Variants in PARVB observed in about 807,000 individuals in gnomAD.
The protein encoded by PARVB is beta-parvin.
In PARVB, 46 loss-of-function variants were observed where a neutral mutation model predicts 47.0. That is an observed-to-expected ratio of 0.98 (90% CI 0.77 to 1.25). The LOEUF (loss-of-function observed/expected upper bound fraction) is 1.25. Ranked by LOEUF, PARVB falls within the 50% of genes most tolerant of loss-of-function variation. The probability of loss-of-function intolerance (pLI) is 0.00; values close to 1 mark genes in which losing one functional copy is unlikely to be tolerated. For synonymous variants in PARVB, 196 were observed against 196.3 expected, an observed-to-expected ratio of 1.00 and a Z score of 0.01; for missense variants, 473 against 471.6, an observed-to-expected ratio of 1.00 and a Z score of -0.03.
At position 44,125,853 on chromosome 22, in the gene PARVB, A is replaced by T. The variant is rs2053174215; in HGVS notation, c.377-5634A>T. Among the ~76,000 whole-genome samples, 1 of 152,200 alleles carries T rather than the reference A, an allele frequency of 6.6e-6. No individual in the cohort carries two copies. The highest frequency in any genetic ancestry group is 2.4e-5 in the African/African-American group (1 of 41,440). On this transcript the variant is annotated intron_variant, in intron 4 of 12. Transcript: ENST00000338758. The surrounding 1 kb of genome is among the most constrained non-coding windows in gnomAD (Gnocchi z 4.1). ...AGGAGTTGGAACTGAGAGATCAGTC[A>T]GGACACCATTGCCATGGCCCAGGCA...
At chr22:44,017,711 T>C (rs1456612186) in intron 2 of PARVB, among the ~76,000 whole-genome samples, 2 of 152,188 alleles carry the variant, frequency 1.3e-5, no homozygotes, top group African/African-American at 2.4e-5. Context: ...CCCCCACAGA[T>C]GCATCTCTGT....
At chr22:44,085,098 C>G (rs545272022) in intron 1 of PARVB, among the ~76,000 whole-genome samples, 5 of 152,082 alleles carry the variant, frequency 3.3e-5, no homozygotes, top group Admixed American at 6.6e-5. Context: ...CATAGAAATA[C>G]ATAGTGGTGA....
At chr22:44,091,966 T>C (rs911481832) in intron 1 of PARVB, among the ~76,000 whole-genome samples, 7 of 152,110 alleles carry the variant, frequency 4.6e-5, no homozygotes, top group African/African-American at 1.7e-4. Flanking sequence ...GGAAGTCGGG[T>C]CCACGGTCAC....
chr22:44,096,759 G>A (rs530527949), intron 2 of PARVB, among the ~76,000 whole-genome samples: 1 of 152,160 alleles, frequency 6.6e-6, no homozygotes, highest in Non-Finnish European at 1.5e-5. Context: ...AGTAGGACAG[G>A]TCCCTGTCCT....
chr22:44,134,125 G>T (rs904753446), intron 6 of PARVB, among the ~76,000 whole-genome samples: 1 of 151,942 alleles, frequency 6.6e-6, no homozygotes, highest in Non-Finnish European at 1.5e-5. Flanking sequence ...GGTCGGGGAG[G>T]ACCTGGCTGT....
intron 1 of PARVB, among the ~76,000 whole-genome samples, chr22:44,067,811 A>G (rs1444979680): frequency 2.0e-5 from 3 of 152,220 alleles, no homozygotes. Flanking sequence ...GGGGACCTGC[A>G]TTAGTGCTGG....
At chr22:44,066,316 A>G in intron 1 of PARVB, among the ~76,000 whole-genome samples, 1 of 152,238 alleles carries the variant, frequency 6.6e-6, no homozygotes. Flanking sequence ...AGCCCCTTAG[A>G]ACTCAGGCAG....
chr22:44,146,115 A>G (rs950421391), intron 8 of PARVB: 2 of 151,436 alleles, frequency 1.3e-5, no homozygotes, highest in Non-Finnish European at 2.9e-5. Context: ...TCACACAGGC[A>G]CACACACGCT....
intron 2 of PARVB, among the ~76,000 whole-genome samples, chr22:44,007,116 C>A (rs1003250881): frequency 2.0e-5 from 3 of 152,210 alleles, no homozygotes; most frequent in African/African-American, 7.2e-5. Context: ...TTCATTCAAC[C>A]GTTTGGGGGA....
At chr22:44,043,359 G>A (rs1422765730) in intron 1 of PARVB, among the ~76,000 whole-genome samples, 1 of 152,070 alleles carries the variant, frequency 6.6e-6, no homozygotes, top group African/African-American at 2.4e-5. Flanking sequence ...AAAAATCATT[G>A]AATTGTACAC....
intron 2 of PARVB, among the ~76,000 whole-genome samples, chr22:44,005,929 CTTTG>C (rs764692501): frequency 4.6e-5 from 7 of 152,126 alleles, no homozygotes; most frequent in Non-Finnish European, 8.8e-5. Context: ...TCTATTGTTT[CTTTG>C]TTTGTGCGTT....
intron 1 of PARVB, among the ~76,000 whole-genome samples, chr22:44,028,907 A>G (rs895346876): frequency 6.6e-6 from 1 of 152,226 alleles, no homozygotes; most frequent in African/African-American, 2.4e-5. Context: ...ATCTCTTCAG[A>G]TGCTTATTTG....
upstream of PARVB, among the ~76,000 whole-genome samples, chr22:44,022,475 C>T (rs1361055468): frequency 1.3e-5 from 2 of 152,182 alleles, no homozygotes; most frequent in Non-Finnish European, 2.9e-5. Context: ...TTCTCCTTGA[C>T]CACAAACTCC....
At chr22:44,042,799 G>T (rs2051042697) in intron 1 of PARVB, among the ~76,000 whole-genome samples, 1 of 152,060 alleles carries the variant, frequency 6.6e-6, no homozygotes, top group Non-Finnish European at 1.5e-5. Context: ...TTATTATTTA[G>T]TTTTTCTTTC....
chr22:44,077,501 GTGC>G (rs67974646), intron 1 of PARVB, among the ~76,000 whole-genome samples: 7,405 of 152,244 alleles, frequency 0.049, 230 homozygotes, highest in African/African-American at 0.088. Flanking sequence ...GGGAGATACA[GTGC>G]AATACACAGC....
chr22:43,999,846 A>AC lies in PARVB; in HGVS notation c.211+173_211+174insC, dbSNP rs1555889961. Among the ~76,000 whole-genome samples the AC allele has an allele frequency of 1.3e-4, 12 of 95,812 alleles. No homozygotes were observed. The East Asian group carries it at 4.1e-3, about 32-fold the overall frequency. The allele number at this position is 95,812 out of a possible 152,430, so 62.9% of individuals were successfully genotyped here. On this transcript the variant is annotated intron_variant, in intron 2 of 13. Transcript: ENST00000406477. ...AACCCATCTATATGAAAAAAAAAAA[A>AC]AAAAAAAAAAAACAGCTGGGTGTGG...
chr22:44,072,675 C>T (rs2051681319), intron 1 of PARVB, among the ~76,000 whole-genome samples: 1 of 152,130 alleles, frequency 6.6e-6, no homozygotes, highest in Non-Finnish European at 1.5e-5. Flanking sequence ...CTCCTGACCT[C>T]AAGTCATCCA....
intron 1 of PARVB, among the ~76,000 whole-genome samples, chr22:44,092,268 G>A (rs1292872816): frequency 4.0e-5 from 6 of 151,600 alleles, no homozygotes; most frequent in African/African-American, 7.3e-5. Flanking sequence ...ACGCCACCAC[G>A]CCCAGCTAAT....
At chr22:44,126,469 A>G (rs145130955) in intron 4 of PARVB, among the ~76,000 whole-genome samples, 230 of 152,314 alleles carry the variant, frequency 1.5e-3, no homozygotes, top group African/African-American at 5.3e-3. Context: ...TTGTGATGCT[A>G]GATGCTCACT....
Sources: gnomAD v4.1 joint callset for allele counts (sites outside exome capture counted in the v4.1 genomes callset) on GRCh38, gnomAD v4.1.1 for gene constraint, Gnocchi (gnomAD v3.1) non-coding constraint, MANE v1.5 for transcripts, NCBI Gene and HGNC (gene_info 2026-07-23, HGNC 2026-07-21) for gene names.